The following RPS6KC1 variants were observed in gnomAD, a reference collection of about 807,000 sequenced individuals.
RPS6KC1 encodes ribosomal protein S6 kinase C1, also known as inactive ribosomal protein S6 kinase delta-1.
In RPS6KC1, 54 loss-of-function variants were observed where a neutral mutation model predicts 103.8. The observed-to-expected ratio is 0.52, with a 90% CI of 0.42 to 0.65. The LOEUF (loss-of-function observed/expected upper bound fraction) is 0.65, where lower values mean the gene tolerates loss of function less well. RPS6KC1 is among the 30% of genes least tolerant of loss of function. The probability of loss-of-function intolerance (pLI) is 0.00; values close to 1 mark genes in which losing one functional copy is unlikely to be tolerated. For missense variants in RPS6KC1, 1,151 were observed against 1,253.8 expected (o/e 0.92, Z 1.24); for synonymous variants, 439 against 438.7 (o/e 1.00, Z -0.01).
chr1:213,777,174 C>A, the RPS6KC1 span, among the ~76,000 whole-genome samples: 1 of 152,104 alleles, frequency 6.6e-6, no homozygotes, highest in Non-Finnish European at 1.5e-5. Flanking sequence ...CTCTGAAGAA[C>A]TTTTTCTTCA....
the RPS6KC1 span, among the ~76,000 whole-genome samples, chr1:213,834,346 A>G: frequency 6.6e-6 from 1 of 152,138 alleles, no homozygotes. Context: ...TGAAAAAGCA[A>G]AGACTGTTCA....
chr1:213,710,403 A>G, the RPS6KC1 span, among the ~76,000 whole-genome samples: 1 of 151,958 alleles, frequency 6.6e-6, no homozygotes, highest in Admixed American at 6.6e-5. Flanking sequence ...TTGAGCCTAT[A>G]TGTGTCTTTG....
chr1:213,240,672 TTTTG>T, intron 10 of RPS6KC1, 26 bp from the exon 11 acceptor site: 5 of 1,544,170 alleles, frequency 3.2e-6, no homozygotes, highest in Non-Finnish European at 4.4e-6. Context: ...ATCTTAATAC[TTTTG>T]TTTGTTTTGT....
intron 1 of RPS6KC1, among the ~76,000 whole-genome samples, chr1:213,059,479 G>C (rs1395116975): frequency 6.6e-6 from 1 of 152,058 alleles, no homozygotes; most frequent in African/African-American, 2.4e-5. Context: ...TTTCACGGTA[G>C]AGTTTTTGTG....
At chr1:213,395,980 C>T in the RPS6KC1 span, among the ~76,000 whole-genome samples, 4 of 152,080 alleles carry the variant, frequency 2.6e-5, no homozygotes, top group Admixed American at 6.5e-5. Context: ...TGAAAGGATT[C>T]GGGATTCGAT....
chr1:213,505,452 T>C, the RPS6KC1 span, among the ~76,000 whole-genome samples: 1 of 152,214 alleles, frequency 6.6e-6, no homozygotes, highest in African/African-American at 2.4e-5. Context: ...CTATATGACC[T>C]TGGGCAAGCT....
chr1:213,809,286 T>G, the RPS6KC1 span, among the ~76,000 whole-genome samples: 2 of 152,128 alleles, frequency 1.3e-5, no homozygotes. Context: ...CATTTAGTAA[T>G]TAAGTTTGCC....
At chr1:213,676,654 A>C in the RPS6KC1 span, among the ~76,000 whole-genome samples, 2 of 152,078 alleles carry the variant, frequency 1.3e-5, no homozygotes, top group African/African-American at 4.8e-5. Flanking sequence ...CTTCCATTTC[A>C]CTTTGCACTT....
the RPS6KC1 span, among the ~76,000 whole-genome samples, chr1:213,604,519 C>T: frequency 1.3e-5 from 2 of 152,236 alleles, no homozygotes; most frequent in African/African-American, 2.4e-5. Context: ...TGTCATTGAA[C>T]CCCCGCCCTG....
the RPS6KC1 span, among the ~76,000 whole-genome samples, chr1:213,851,619 A>G: frequency 1.1e-4 from 17 of 151,866 alleles, no homozygotes; most frequent in African/African-American, 4.1e-4. Flanking sequence ...CAGTGTTCTC[A>G]TTTCTATTTC....
intron 7 of RPS6KC1, among the ~76,000 whole-genome samples, chr1:213,173,317 G>T (rs1299314716): frequency 1.3e-5 from 2 of 152,144 alleles, no homozygotes; most frequent in Non-Finnish European, 1.5e-5. Flanking sequence ...GAACTTTAAT[G>T]ATCACTTTGC....
chr1:213,711,041 T>C, the RPS6KC1 span, among the ~76,000 whole-genome samples: 1 of 152,184 alleles, frequency 6.6e-6, no homozygotes, highest in African/African-American at 2.4e-5. Flanking sequence ...TCTCTGTATT[T>C]CCCGAATTTG....
the RPS6KC1 span, among the ~76,000 whole-genome samples, chr1:213,601,280 A>T: frequency 2.0e-5 from 3 of 149,258 alleles, no homozygotes; most frequent in Non-Finnish European, 3.0e-5. Flanking sequence ...AAATATATAT[A>T]TATTTCTTAT....
At chr1:213,112,485 A>C (rs1306990173) in intron 4 of RPS6KC1, among the ~76,000 whole-genome samples, 2 of 151,790 alleles carry the variant, frequency 1.3e-5, no homozygotes, top group Non-Finnish European at 2.9e-5. Context: ...AAATATCTCT[A>C]CTAAAAGTAC....
At chr1:213,373,383 C>T in the RPS6KC1 span, among the ~76,000 whole-genome samples, 1 of 152,304 alleles carries the variant, frequency 6.6e-6, no homozygotes, top group Non-Finnish European at 1.5e-5. Flanking sequence ...AAGTACGGCA[C>T]GATGCATTTG....
the RPS6KC1 span, among the ~76,000 whole-genome samples, chr1:213,379,088 C>T: frequency 5.9e-5 from 9 of 152,218 alleles, no homozygotes; most frequent in East Asian, 1.4e-3. Flanking sequence ...CAGGCAAGAC[C>T]CTTGACCTTT....
At chr1:213,348,362 C>T in the RPS6KC1 span, among the ~76,000 whole-genome samples, 1 of 152,160 alleles carries the variant, frequency 6.6e-6, no homozygotes, top group Non-Finnish European at 1.5e-5. Flanking sequence ...GTTTTCATTC[C>T]TCTTGCCATT....
chr1:213,290,454 C>G, the RPS6KC1 span, among the ~76,000 whole-genome samples: 1 of 152,126 alleles, frequency 6.6e-6, no homozygotes, highest in Non-Finnish European at 1.5e-5. Flanking sequence ...AGGAACGATA[C>G]GGGGTGCCTG....
the RPS6KC1 span, among the ~76,000 whole-genome samples, chr1:213,433,714 C>T: frequency 5.3e-5 from 8 of 152,076 alleles, no homozygotes; most frequent in Non-Finnish European, 1.2e-4. Flanking sequence ...ATTTTAATTT[C>T]CCAAATGACT....
Sources: allele counts gnomAD v4.1 joint callset (sites outside exome capture counted in the v4.1 genomes callset), GRCh38; gene constraint gnomAD v4.1.1; transcripts MANE v1.5; gene names NCBI Gene and HGNC (gene_info 2026-07-23, HGNC 2026-07-21).